The following MMP16 variants were observed in gnomAD, a reference collection of about 807,000 sequenced individuals.
MMP16 encodes the protein matrix metallopeptidase 16, also known as matrix metalloproteinase-16.
Under a neutral mutation model 67.8 loss-of-function variants are expected in MMP16, and 12 were observed. That is an observed-to-expected ratio of 0.18 (90% CI 0.11 to 0.29). The LOEUF (loss-of-function observed/expected upper bound fraction) is 0.29. MMP16 is among the 10% of genes least tolerant of loss of function. The pLI is 1.00. For missense variants in MMP16, 475 were observed against 765.7 expected (o/e 0.62, Z 4.48); for synonymous variants, 249 against 255.9 (o/e 0.97, Z 0.26).
intron 1 of MMP16, among the ~76,000 whole-genome samples, chr8:88,263,331 A>G (rs1810420106): frequency 1.3e-5 from 2 of 152,182 alleles, no homozygotes; most frequent in Non-Finnish European, 1.5e-5. Flanking sequence ...TCTCAAATGT[A>G]TCACAGTATA....
intron 6 of MMP16, among the ~76,000 whole-genome samples, chr8:88,081,496 T>A (rs1800867876): frequency 6.6e-6 from 1 of 152,136 alleles, no homozygotes; most frequent in African/African-American, 2.4e-5. Flanking sequence ...GTGCCTGTAA[T>A]CCCAGCTACT....
intron 4 of MMP16, among the ~76,000 whole-genome samples, chr8:88,131,186 T>C (rs974297825): frequency 1.3e-5 from 2 of 151,600 alleles, no homozygotes; most frequent in East Asian, 3.9e-4. Flanking sequence ...AGCTGGTAAG[T>C]GGTACAGGCA....
intron 4 of MMP16, among the ~76,000 whole-genome samples, chr8:88,149,307 C>A (rs1323793537): frequency 6.6e-6 from 1 of 152,230 alleles, no homozygotes; most frequent in African/African-American, 2.4e-5. Flanking sequence ...ATTGCCCAGG[C>A]TTGCTTAGGT....
chr8:88,062,883 T>C (rs1273585379), intron 7 of MMP16, among the ~76,000 whole-genome samples: 1 of 152,172 alleles, frequency 6.6e-6, no homozygotes, highest in African/African-American at 2.4e-5. Context: ...GTATGTAAGA[T>C]TCATATTTGA....
intron 4 of MMP16, among the ~76,000 whole-genome samples, chr8:88,120,919 A>AC (rs1342757618): frequency 6.6e-6 from 1 of 151,880 alleles, no homozygotes; most frequent in Non-Finnish European, 1.5e-5. Context: ...GAAAAAACAG[A>AC]CCCTGCTGTG....
intron 1 of MMP16, among the ~76,000 whole-genome samples, chr8:88,226,552 T>C (rs1412207649): frequency 6.6e-6 from 1 of 152,116 alleles, no homozygotes; most frequent in Non-Finnish European, 1.5e-5. Context: ...AGAAGCATGT[T>C]TTAGTTTTTT....
rs569791281 is a variant in MMP16 at position 88,158,007 on chromosome 8, T to C, written c.709+9662A>G. On this transcript the variant is annotated intron_variant, in intron 4 of 9. Transcript: ENST00000286614. ...CCCTACAAAGGACATGAACTCATCA[T>C]TTTTTATGGCTGCATAGTATTCCAT... Among the ~76,000 whole-genome samples, 380 of 152,314 alleles carry C rather than the reference T, an allele frequency of 2.5e-3. 3 individuals carry two copies. The highest frequency in any genetic ancestry group is 8.9e-3 in the African/African-American group (368 of 41,568).
At chr8:88,184,725 C>G (rs932817250) in intron 3 of MMP16, among the ~76,000 whole-genome samples, 3 of 107,856 alleles carry the variant, frequency 2.8e-5, no homozygotes, top group African/African-American at 1.1e-4. Flanking sequence ...CAGGCCTGAG[C>G]GACAGAGTGA....
intron 8 of MMP16, among the ~76,000 whole-genome samples, chr8:88,055,454 C>T (rs1431058894): frequency 6.6e-6 from 1 of 152,182 alleles, no homozygotes; most frequent in Middle Eastern, 3.2e-3. Flanking sequence ...GTGATCCACC[C>T]ACCTTGGCCT....
chr8:88,296,933 T>C (rs181343645), intron 1 of MMP16, among the ~76,000 whole-genome samples: 168 of 150,726 alleles, frequency 1.1e-3, no homozygotes, highest in South Asian at 4.8e-3. Context: ...AATAAATAAA[T>C]AATTAAATAA....
intron 6 of MMP16, among the ~76,000 whole-genome samples, chr8:88,086,183 TTAATC>T (rs1434735586): frequency 1.3e-5 from 2 of 151,808 alleles, no homozygotes; most frequent in African/African-American, 4.9e-5. Flanking sequence ...TGTTTCTTCT[TTAATC>T]TACTCTTGTT....
At chr8:88,234,491 C>T (rs1295372989) in intron 1 of MMP16, among the ~76,000 whole-genome samples, 1 of 152,206 alleles carries the variant, frequency 6.6e-6, no homozygotes, top group African/African-American at 2.4e-5. Flanking sequence ...TTTAATGGCT[C>T]TGGGTGCCAT....
intron 6 of MMP16, among the ~76,000 whole-genome samples, chr8:88,077,947 G>T (rs1808678391): frequency 6.6e-6 from 1 of 152,104 alleles, no homozygotes; most frequent in Non-Finnish European, 1.5e-5. Flanking sequence ...CATAAGTTTG[G>T]TTTTTGTTTT....
At chr8:88,160,061 G>T (rs1039772267) in intron 4 of MMP16, among the ~76,000 whole-genome samples, 1 of 151,416 alleles carries the variant, frequency 6.6e-6, no homozygotes, top group Non-Finnish European at 1.5e-5. Flanking sequence ...ATGCTGATGT[G>T]CTGCACTCAT....
At chr8:88,069,676 T>G (rs563762719) in intron 7 of MMP16, among the ~76,000 whole-genome samples, 29 of 152,282 alleles carry the variant, frequency 1.9e-4, no homozygotes, top group African/African-American at 7.0e-4. Flanking sequence ...ATGTAAGGTG[T>G]CAACTCCTTT....
At position 88,033,462 on chromosome 8, in the gene MMP16, T is replaced by C. The variant is rs1437852012; in HGVS notation, c.*7999A>G. Reference sequence around the variant, plus strand: ...AAAATATCTTAAAGATAGGTTACTATACTGATGAAGCAGGCAAGTTTCTCA... The same window carrying C: ...AAAATATCTTAAAGATAGGTTACTACACTGATGAAGCAGGCAAGTTTCTCA... On this transcript the variant is annotated 3_prime_UTR_variant, in exon 10 of 10. Transcript: ENST00000286614. 6.6e-6 allele frequency: 1 copy of C among 151,916 alleles called. No homozygotes were observed. Among genetic ancestry groups the C allele is most frequent in the Middle Eastern group, 3.4e-3 (1 of 294 alleles). The allele number at this position is 151,916 out of a possible 1,614,324, so 9.4% of individuals were successfully genotyped here. A position where few individuals can be genotyped will look rare whatever the true frequency, so the allele number is the denominator to read the frequency against.
intron 3 of MMP16, among the ~76,000 whole-genome samples, chr8:88,173,341 C>A (rs1370936773): frequency 6.6e-6 from 1 of 152,178 alleles, no homozygotes; most frequent in South Asian, 2.1e-4. Flanking sequence ...TGTGAGCCAC[C>A]GGTCCCGGCT....
intron 3 of MMP16, among the ~76,000 whole-genome samples, chr8:88,173,182 G>A (rs1028905027): frequency 6.6e-6 from 1 of 152,030 alleles, no homozygotes; most frequent in East Asian, 1.9e-4. Flanking sequence ...CTCCCGAGTA[G>A]CTGGGACTAC....
intron 1 of MMP16, among the ~76,000 whole-genome samples, chr8:88,311,256 T>A (rs1485122371): frequency 1.3e-5 from 2 of 152,118 alleles, no homozygotes; most frequent in East Asian, 3.9e-4. Context: ...TTTTGATATA[T>A]CCAGGAGGTA....
Sources: allele counts gnomAD v4.1 joint callset (sites outside exome capture counted in the v4.1 genomes callset), GRCh38; gene constraint gnomAD v4.1.1; transcripts MANE v1.5; gene names NCBI Gene and HGNC (gene_info 2026-07-23, HGNC 2026-07-21).